The following CSMD3 variants were observed in gnomAD, a reference collection of about 807,000 sequenced individuals.
The protein encoded by CSMD3 is CUB and Sushi multiple domains 3.
Under a neutral mutation model 435.2 loss-of-function variants are expected in CSMD3, and 177 were observed. The observed-to-expected ratio is 0.41, with a 90% CI of 0.36 to 0.46. The LOEUF (loss-of-function observed/expected upper bound fraction) is 0.46, where lower values mean the gene tolerates loss of function less well. CSMD3 is among the 20% of genes least tolerant of loss of function. The pLI is 0.34. For missense variants in CSMD3, 4,265 were observed against 4,504.6 expected (o/e 0.95, Z 1.52); for synonymous variants, 1,656 against 1,520.5 (o/e 1.09, Z -2.07).
intron 35 of CSMD3, among the ~76,000 whole-genome samples, chr8:112,404,028 A>C (rs1469802595): frequency 1.3e-5 from 2 of 152,098 alleles, no homozygotes; most frequent in African/African-American, 2.4e-5. Context: ...TAAGAAAAAA[A>C]TGCACTGTGA....
At chr8:112,723,399 G>T (rs2076902059) in intron 13 of CSMD3, among the ~76,000 whole-genome samples, 1 of 152,120 alleles carries the variant, frequency 6.6e-6, no homozygotes, top group African/African-American at 2.4e-5. Flanking sequence ...AGTTCTTGTG[G>T]TGAGTATATT....
intron 17 of CSMD3, among the ~76,000 whole-genome samples, chr8:112,661,753 CA>C (rs1006982411): frequency 7.2e-5 from 11 of 151,814 alleles, no homozygotes; most frequent in African/African-American, 2.7e-4. Flanking sequence ...AATAACATTC[CA>C]GTTTCAGTCA....
At chr8:113,141,285 C>CA (rs892138267) in intron 4 of CSMD3, among the ~76,000 whole-genome samples, 1 of 149,820 alleles carries the variant, frequency 6.7e-6, no homozygotes, top group African/African-American at 2.4e-5. Context: ...TAATATCTTC[C>CA]AAAAAAACAG....
Position 112,336,729 on chromosome 8 carries a change from T to C in CSMD3, c.6942A>G (p.Arg2314=), listed in dbSNP as rs989703139. Residue 2314 remains arginine, a synonymous_variant, in exon 44 of 71, where the codon AGA becomes AGG. Transcript: ENST00000297405. ...PNFQDCFWLV[R]VPPGNGIYIN... The stretch of plus-strand genomic sequence containing the variant: ...TGTAGATGCCATTCCCAGGGGGTAC[T>C]CTTACAAGCCAAAAACAATCTTGAA... 42 of 1,613,174 alleles carry C rather than the reference T, an allele frequency of 2.6e-5. No individual in the cohort carries two copies. The highest frequency in any genetic ancestry group is 5.0e-5 in the Admixed American group (3 of 59,992).
At chr8:113,119,157 C>T (rs945574963) in intron 4 of CSMD3, among the ~76,000 whole-genome samples, 1 of 152,116 alleles carries the variant, frequency 6.6e-6, no homozygotes, top group African/African-American at 2.4e-5. Flanking sequence ...AACAGTTGGA[C>T]TTTGAACCTA....
chr8:112,819,745 A>C (rs1051224094), intron 12 of CSMD3, among the ~76,000 whole-genome samples: 2 of 152,218 alleles, frequency 1.3e-5, no homozygotes, highest in Non-Finnish European at 2.9e-5. Flanking sequence ...TTTCAAAATT[A>C]ATATAACTTC....
chr8:112,327,195 A>C (rs889765679), intron 45 of CSMD3, among the ~76,000 whole-genome samples: 5 of 152,156 alleles, frequency 3.3e-5, no homozygotes, highest in Admixed American at 1.3e-4. Flanking sequence ...GAAATCACTT[A>C]AGAAATACTA....
At chr8:112,817,119 T>C (rs2079396350) in intron 12 of CSMD3, among the ~76,000 whole-genome samples, 1 of 152,154 alleles carries the variant, frequency 6.6e-6, no homozygotes, top group Non-Finnish European at 1.5e-5. Context: ...ATAGAAGATA[T>C]TTTAAACTTT....
intron 3 of CSMD3, among the ~76,000 whole-genome samples, chr8:113,222,145 C>T (rs189189676): frequency 1.3e-5 from 2 of 151,312 alleles, no homozygotes; most frequent in Non-Finnish European, 3.0e-5. Flanking sequence ...TTCTAATTTA[C>T]AAAGGCTTTG....
chr8:112,277,710 C>T (rs1478457753), intron 59 of CSMD3, among the ~76,000 whole-genome samples: 1 of 152,114 alleles, frequency 6.6e-6, no homozygotes, highest in Non-Finnish European at 1.5e-5. Flanking sequence ...TTAATGGACT[C>T]ACAGTTCCAA....
At chr8:112,493,405 T>C (rs1396835030) in intron 30 of CSMD3, among the ~76,000 whole-genome samples, 1 of 152,002 alleles carries the variant, frequency 6.6e-6, no homozygotes, top group East Asian at 1.9e-4. Context: ...CTAGAAGTGG[T>C]TTTTCTTCCT....
At chr8:112,929,169 T>G (rs1756754734) in intron 9 of CSMD3, among the ~76,000 whole-genome samples, 1 of 140,726 alleles carries the variant, frequency 7.1e-6, no homozygotes, top group Non-Finnish European at 1.5e-5. Context: ...TTGAGTTCAT[T>G]GTAGATTCTG....
chr8:112,469,064 T>G (rs1389630994), intron 32 of CSMD3, among the ~76,000 whole-genome samples: 1 of 150,870 alleles, frequency 6.6e-6, no homozygotes, highest in Admixed American at 6.6e-5. Context: ...AGTAATATTA[T>G]GCACATATTT....
At chr8:113,171,007 A>C (rs1179420662) in intron 4 of CSMD3, among the ~76,000 whole-genome samples, 1 of 140,564 alleles carries the variant, frequency 7.1e-6, no homozygotes, top group Non-Finnish European at 1.6e-5. Context: ...ATGGCAATAG[A>C]AAAAAAAAAA....
chr8:112,286,699 A>G (rs1214718107), intron 58 of CSMD3, among the ~76,000 whole-genome samples: 1 of 152,150 alleles, frequency 6.6e-6, no homozygotes, highest in Non-Finnish European at 1.5e-5. Flanking sequence ...AGGGTTAGGT[A>G]GTATCTGCGT....
chr8:112,317,147 T>C (rs545528378), intron 47 of CSMD3, among the ~76,000 whole-genome samples: 10 of 152,082 alleles, frequency 6.6e-5, no homozygotes, highest in Middle Eastern at 3.4e-3. Context: ...TGAAGTGTTA[T>C]CAGGAGACAA....
chr8:113,212,147 C>T (rs1399557635), intron 3 of CSMD3, among the ~76,000 whole-genome samples: 1 of 152,024 alleles, frequency 6.6e-6, no homozygotes, highest in Non-Finnish European at 1.5e-5. Flanking sequence ...GATAAAGATT[C>T]TATATGCAGA....
intron 32 of CSMD3, among the ~76,000 whole-genome samples, chr8:112,451,218 G>T (rs144636193): frequency 6.6e-6 from 1 of 151,948 alleles, no homozygotes; most frequent in Non-Finnish European, 1.5e-5. Flanking sequence ...AAGCACAAAG[G>T]TTAACAGTAG....
chr8:112,492,422 A>G, intron 31 of CSMD3, 67 bp downstream of exon 31: 3 of 1,243,852 alleles, frequency 2.4e-6, no homozygotes, highest in Non-Finnish European at 3.5e-6. Flanking sequence ...TGAAACACAG[A>G]AATGTCTTTA....
Sources: gnomAD v4.1 joint callset for allele counts (sites outside exome capture counted in the v4.1 genomes callset) on GRCh38, gnomAD v4.1.1 for gene constraint, MANE v1.5 for transcripts, NCBI Gene and HGNC (gene_info 2026-07-23, HGNC 2026-07-21) for gene names.